Variants in EYS observed in about 807,000 individuals in gnomAD.
The protein encoded by EYS is protein eyes shut homolog.
Under a neutral mutation model 282.1 loss-of-function variants are expected in EYS, and 250 were observed. The observed-to-expected ratio is 0.89, with a 90% CI of 0.80 to 0.98. The LOEUF is 0.98. Among genes scored for constraint, EYS ranks in the 50% least tolerant of loss-of-function variants. The pLI is 0.00. For missense variants in EYS, 4,016 were observed against 3,709.0 expected (o/e 1.08, Z -2.15); for synonymous variants, 1,355 against 1,282.9 (o/e 1.06, Z -1.20).
chr6:64,770,346 T>C (rs2149985457), intron 22 of EYS, among the ~76,000 whole-genome samples: 1 of 152,130 alleles, frequency 6.6e-6, no homozygotes, highest in East Asian at 1.9e-4. Context: ...TTGTTTTTTG[T>C]CCGCTGATAA....
intron 41 of EYS, among the ~76,000 whole-genome samples, chr6:63,734,090 G>T (rs1768848750): frequency 6.6e-6 from 1 of 152,140 alleles, no homozygotes; most frequent in Admixed American, 6.6e-5. Flanking sequence ...TGGACATAAA[G>T]ATGGGAACAA....
intron 35 of EYS, among the ~76,000 whole-genome samples, chr6:63,975,832 G>A (rs1766809573): frequency 6.6e-6 from 1 of 151,958 alleles, no homozygotes; most frequent in African/African-American, 2.4e-5. Flanking sequence ...ACTATTTACA[G>A]TTATATGTCA....
At chr6:65,184,462 CA>C (rs1371581952) in intron 12 of EYS, among the ~76,000 whole-genome samples, 12 of 151,708 alleles carry the variant, frequency 7.9e-5, no homozygotes, top group African/African-American at 2.7e-4. Flanking sequence ...ATAAAAATGG[CA>C]ATTAAATTTC....
intron 31 of EYS, among the ~76,000 whole-genome samples, chr6:64,162,092 A>G (rs147526658): frequency 8.5e-5 from 13 of 152,252 alleles, no homozygotes; most frequent in Admixed American, 2.6e-4. Context: ...TCTAGGGAAG[A>G]GAAAGAAAGT....
At chr6:63,846,519 A>G (rs1460588447) in intron 36 of EYS, among the ~76,000 whole-genome samples, 2 of 152,266 alleles carry the variant, frequency 1.3e-5, no homozygotes, top group African/African-American at 4.8e-5. Flanking sequence ...AGAATGGCAA[A>G]GAGAATTACA....
At chr6:64,693,265 A>C (rs544669601) in intron 22 of EYS, among the ~76,000 whole-genome samples, 2 of 151,912 alleles carry the variant, frequency 1.3e-5, no homozygotes, top group East Asian at 3.9e-4. Context: ...AAATGTCTTG[A>C]TCTTAATTTC....
At chr6:64,710,496 A>C (rs2149933820) in intron 22 of EYS, among the ~76,000 whole-genome samples, 1 of 152,218 alleles carries the variant, frequency 6.6e-6, no homozygotes, top group South Asian at 2.1e-4. Context: ...AGTACAGAAA[A>C]CCAAGAAACC....
intron 24 of EYS, among the ~76,000 whole-genome samples, chr6:64,608,689 A>C (rs1163362968): frequency 6.6e-6 from 1 of 152,128 alleles, no homozygotes; most frequent in Non-Finnish European, 1.5e-5. Context: ...GAACGGATAA[A>C]CCATGGTACA....
chr6:64,036,318 A>G lies in EYS; in HGVS notation c.6725+30020T>C, dbSNP rs149447417. Among the ~76,000 whole-genome samples, 529 of 152,346 alleles carry G rather than the reference A, an allele frequency of 3.5e-3. 3 individuals carry two copies. The highest frequency in any genetic ancestry group is 7.5e-3 in the South Asian group (36 of 4,826). ...AGTAGTGAGAGCTAATGCAGGAGCT[A>G]CGTCTCAGATCATGGATGGCCTTAA... On this transcript the variant is annotated intron_variant, in intron 33 of 42. Coordinates refer to ENST00000503581, the MANE Select transcript of EYS (RefSeq NM_001142800.2).
intron 12 of EYS, among the ~76,000 whole-genome samples, chr6:65,143,217 T>A (rs1328733832): frequency 1.3e-5 from 2 of 151,814 alleles, no homozygotes; most frequent in Non-Finnish European, 2.9e-5. Flanking sequence ...TATTAGGACA[T>A]AAAACAACAT....
intron 12 of EYS, among the ~76,000 whole-genome samples, chr6:65,276,181 A>C (rs1268529992): frequency 6.6e-6 from 1 of 152,162 alleles, no homozygotes; most frequent in Non-Finnish European, 1.5e-5. Flanking sequence ...ATATCTCACA[A>C]GAGGGAACAA....
chr6:63,860,188 T>C (rs1250737004), intron 36 of EYS, among the ~76,000 whole-genome samples: 1 of 152,184 alleles, frequency 6.6e-6, no homozygotes, highest in Non-Finnish European at 1.5e-5. Flanking sequence ...GGATATCACC[T>C]CATACTAGTT....
chr6:64,858,377 G>T (rs1369715406), intron 19 of EYS, among the ~76,000 whole-genome samples: 1 of 151,724 alleles, frequency 6.6e-6, no homozygotes, highest in African/African-American at 2.4e-5. Flanking sequence ...GTGTAGTCTT[G>T]GCACCTGTGT....
chr6:64,692,463 G>A (rs1450983064), intron 22 of EYS, among the ~76,000 whole-genome samples: 1 of 152,100 alleles, frequency 6.6e-6, no homozygotes, highest in Non-Finnish European at 1.5e-5. Context: ...AAGCTCTTTA[G>A]TTTAATTCAC....
chr6:65,138,744 T>A (rs1055466258), intron 12 of EYS, among the ~76,000 whole-genome samples: 2 of 151,988 alleles, frequency 1.3e-5, no homozygotes, highest in Admixed American at 6.6e-5. Context: ...ACAAAAGCAA[T>A]GTTGCAAGAC....
intron 36 of EYS, among the ~76,000 whole-genome samples, chr6:63,824,834 C>A (rs1046871544): frequency 6.6e-6 from 1 of 152,174 alleles, no homozygotes; most frequent in Non-Finnish European, 1.5e-5. Flanking sequence ...GGAACGGGGG[C>A]AAAACTCCAA....
Position 65,475,748 on chromosome 6 carries a change from G to GACACACAC in EYS, c.862+14845_862+14846insGTGTGTGT, listed in dbSNP as rs111446667. Among the ~76,000 whole-genome samples, 214 of 121,592 alleles carry GACACACAC rather than the reference G, an allele frequency of 1.8e-3. 2 individuals carry two copies. The highest frequency in any genetic ancestry group is 5.8e-3 in the African/African-American group (210 of 36,100). 79.8% of individuals were successfully genotyped at this position (121,592 alleles called of 152,430 possible). ...TTTTGTACCCCCTGACAGACAGACA[G>GACACACAC]ACAGACAGACACACACACACACACA... On this transcript the variant is annotated intron_variant, in intron 5 of 42. Coordinates refer to ENST00000503581, the MANE Select transcript of EYS (RefSeq NM_001142800.2).
intron 26 of EYS, among the ~76,000 whole-genome samples, chr6:64,444,363 T>C (rs1775051590): frequency 6.6e-6 from 1 of 152,176 alleles, no homozygotes; most frequent in Non-Finnish European, 1.5e-5. Context: ...TTTTAAAATT[T>C]TTATCTAATA....
At chr6:64,382,874 G>C (rs941401101) in intron 29 of EYS, among the ~76,000 whole-genome samples, 1 of 152,074 alleles carries the variant, frequency 6.6e-6, no homozygotes, top group African/African-American at 2.4e-5. Flanking sequence ...AATGGGAAGA[G>C]TGGTGGGTGG....
Sources: gnomAD v4.1 joint callset for allele counts (sites outside exome capture counted in the v4.1 genomes callset) on GRCh38, gnomAD v4.1.1 for gene constraint, MANE v1.5 for transcripts, NCBI Gene and HGNC (gene_info 2026-07-23, HGNC 2026-07-21) for gene names.